The following NBPF19 variants were observed in gnomAD, a reference collection of about 807,000 sequenced individuals.
The protein encoded by NBPF19 is NBPF family member NBPF19.
A neutral mutation model predicts 45.9 loss-of-function variants in NBPF19; 30 were observed. That is an observed-to-expected ratio of 0.65 (90% CI 0.49 to 0.89). The LOEUF is 0.89. NBPF19 is among the 40% of genes least tolerant of loss of function. The probability of loss-of-function intolerance (pLI) is 0.00; values close to 1 mark genes in which losing one functional copy is unlikely to be tolerated. For missense variants in NBPF19, 495 were observed against 471.8 expected (o/e 1.05, Z -0.46); for synonymous variants, 183 against 181.2 (o/e 1.01, Z -0.08).
At chr1:149,478,700 G>A (rs2084994657) in intron 3 of NBPF19, among the ~76,000 whole-genome samples, 180 bp from the exon 4 acceptor site, 2 of 150,734 alleles carry the variant, frequency 1.3e-5, no homozygotes, top group African/African-American at 4.9e-5. Flanking sequence ...CTCTGATAGA[G>A]GGAAAGCCTG....
At chr1:149,554,193 A>G (rs1264479196) in intron 93 of NBPF19, among the ~76,000 whole-genome samples, 470 of 149,954 alleles carry the variant, frequency 3.1e-3, no homozygotes, top group African/African-American at 0.011. Context: ...GCTGTGTGTC[A>G]TGAGGGCACT....
At position 149,554,777 on chromosome 1, in the gene NBPF19, C is replaced by G. The variant is rs1415355457; in HGVS notation, c.*39C>G. On this transcript the variant is annotated 3_prime_UTR_variant, in exon 94 of 94. Coordinates refer to ENST00000651566, the MANE Select transcript of NBPF19 (RefSeq NM_001351365.2). ...AGCCGAGAGATGTCATTCCTGCAGG[C>G]AGGACCTATAGGCACGTGAAGATTT... 1.9e-6 allele frequency: 3 copies of G among 1,607,252 alleles called. No individual in the cohort carries two copies. The highest frequency in any genetic ancestry group is 2.2e-5 in the East Asian group (1 of 44,838).
intron 9 of NBPF19, 61 bp downstream of exon 9, chr1:149,487,444 G>A: frequency 3.2e-6 from 3 of 927,296 alleles, no homozygotes; most frequent in Non-Finnish European, 5.3e-6. Context: ...GCCAAGTCCA[G>A]GGAAAACAGT....
Position 149,554,805 on chromosome 1 carries a change from A to G in NBPF19, c.*67A>G, listed in dbSNP as rs1450427048. The G allele has an allele frequency of 5.6e-5, 89 of 1,603,312 alleles. 2 individuals carry two copies. The highest frequency in any genetic ancestry group is 7.3e-5 in the Non-Finnish European group (86 of 1,172,968). On this transcript the variant is annotated 3_prime_UTR_variant, in exon 94 of 94. Coordinates refer to ENST00000651566, the MANE Select transcript of NBPF19 (RefSeq NM_001351365.2). ...GACCTATAGGCACGTGAAGATTTGA[A>G]TGAAACTACAGTTCCATTTGGAAGC... is the stretch of plus-strand genomic sequence containing the variant.
intron 7 of NBPF19, among the ~76,000 whole-genome samples, chr1:149,483,529 C>T (rs1320584544): frequency 1.4e-5 from 2 of 145,726 alleles, no homozygotes; most frequent in Admixed American, 1.4e-4. Flanking sequence ...AGCCCATTTA[C>T]ATTTAAGGTT....
rs2085500459 is a variant in NBPF19 at position 149,486,406 on chromosome 1, G to C, written c.988+113G>C. On this transcript the variant is annotated intron_variant, in intron 8 of 93. Coordinates refer to ENST00000651566, the MANE Select transcript of NBPF19 (RefSeq NM_001351365.2). ...CTGAGATTTGCCATCACCGTGGGCT[G>C]AACCTATATATCAATGTAGATTTCA... The C allele has an allele frequency of 7.4e-6, 5 of 672,856 alleles. No homozygotes were observed. The East Asian group carries it at 1.4e-4, about 18-fold the overall frequency. The allele number at this position is 672,856 out of a possible 1,614,324, so 41.7% of individuals were successfully genotyped here.
At chr1:149,529,476 A>G in intron 62 of NBPF19, 130 bp downstream of exon 62, 1 of 45,416 alleles carries the variant, frequency 2.2e-5, no homozygotes, top group Non-Finnish European at 3.7e-5. Context: ...AGGCACATGT[A>G]GGTTGAATGA....
Position 149,554,805 on chromosome 1 carries a change from A to T in NBPF19, c.*67A>T, listed in dbSNP as rs1450427048. 1.5e-4 allele frequency: 236 copies of T among 1,603,430 alleles called. 6 individuals carry two copies. The East Asian group carries it at 5.1e-3, about 35-fold the overall frequency. On this transcript the variant is annotated 3_prime_UTR_variant, in exon 94 of 94. Coordinates refer to ENST00000651566, the MANE Select transcript of NBPF19 (RefSeq NM_001351365.2). ...GACCTATAGGCACGTGAAGATTTGA[A>T]TGAAACTACAGTTCCATTTGGAAGC...
intron 93 of NBPF19, 139 bp from the exon 94 acceptor site, chr1:149,554,356 A>T (rs2087164622): frequency 2.6e-6 from 4 of 1,526,070 alleles, no homozygotes; most frequent in Middle Eastern, 2.4e-4. Flanking sequence ...TAAAGGCAAT[A>T]AATTTTTTTT....
At chr1:149,487,281 G>C (rs1158123238) in intron 8 of NBPF19, 51 bp from the exon 9 acceptor site, 13 of 1,331,992 alleles carry the variant, frequency 9.8e-6, no homozygotes, top group Admixed American at 1.7e-5. Context: ...GAATGTTTCT[G>C]TGTGCAAGGA....
intron 3 of NBPF19, 37 bp downstream of exon 3, chr1:149,478,084 G>C (rs1212277884): frequency 1.3e-6 from 2 of 1,504,160 alleles, no homozygotes; most frequent in Admixed American, 3.3e-5. Flanking sequence ...AGGCGGGTAG[G>C]TGTGTAGATC....
chr1:149,519,886 A>G (rs2086633113), intron 50 of NBPF19, 26 bp downstream of exon 50: 4 of 38,576 alleles, frequency 1.0e-4, no homozygotes, highest in African/African-American at 2.4e-3. Context: ...TGAAGGTGAT[A>G]AGCATCCACT....
intron 3 of NBPF19, among the ~76,000 whole-genome samples, 169 bp from the exon 4 acceptor site, chr1:149,478,711 T>C (rs1272867273): frequency 6.6e-6 from 1 of 150,822 alleles, no homozygotes; most frequent in Non-Finnish European, 1.5e-5. Flanking sequence ...GGAAAGCCTG[T>C]AGACCATTTT....
rs1345945320 is a variant in NBPF19 at position 149,477,993 on chromosome 1, G to A, written c.224G>A (p.Arg75Gln). ...ATAAAATTTATGCTGAGGAATGAGC[G>A]ACAGTTCAAGGAGGAGAAGCTTGCA... ...DLIKFMLRNE[R>Q]QFKEEKLAEQ... The change falls in exon 3 of 94, where the codon CGA (arginine) becomes CAA (glutamine). Residue 75 changes from arginine (R) to glutamine (Q), a missense_variant. By Grantham distance (43) the Arg-to-Gln change is conservative. This residue lies in a region of NBPF19 where 69 missense variants were observed against 87.8 expected (regional missense o/e 0.79). Coordinates refer to ENST00000651566, the MANE Select transcript of NBPF19 (RefSeq NM_001351365.2). The A allele has an allele frequency of 8.2e-5, 123 of 1,498,768 alleles. 2 individuals carry two copies. The highest frequency in any genetic ancestry group is 1.6e-4 in the African/African-American group (12 of 72,890). 92.8% of individuals were successfully genotyped at this position (1,498,768 alleles called of 1,614,324 possible). A position where few individuals can be genotyped will look rare whatever the true frequency, so the allele number is the denominator to read the frequency against.
At chr1:149,486,799 T>C (rs1461215996) in intron 8 of NBPF19, among the ~76,000 whole-genome samples, 1 of 150,844 alleles carries the variant, frequency 6.6e-6, no homozygotes, top group Non-Finnish European at 1.5e-5. Flanking sequence ...GTTCGCTTGT[T>C]TTAGCTCATC....
rs2087209220 is a variant in NBPF19, at chr1:149,554,854, G to T, written c.*116G>T. ...GCCCAGACATAGGATGGGTCAGTGG[G>T]CATGGCTCTTTTCCTATTCTCAAAC... On this transcript the variant is annotated 3_prime_UTR_variant, in exon 94 of 94. Coordinates refer to ENST00000651566, the MANE Select transcript of NBPF19 (RefSeq NM_001351365.2). The T allele has an allele frequency of 3.9e-6, 6 of 1,543,434 alleles. No homozygotes were observed. The Admixed American group carries it at 9.1e-5, about 23-fold the overall frequency.
At position 149,487,527 on chromosome 1, in the gene NBPF19, C is replaced by A. The variant is rs2085621098; in HGVS notation, c.1040+144C>A. The stretch of plus-strand genomic sequence containing the variant: ...GCCTAATACATTGCTTTTTTGTTCT[C>A]ATTAGAGTAAATGTTTAGGTTTCCA... On this transcript the variant is annotated intron_variant, in intron 9 of 93. Coordinates refer to ENST00000651566, the MANE Select transcript of NBPF19 (RefSeq NM_001351365.2). 1.5e-5 allele frequency: 15 copies of A among 994,550 alleles called. 1 individual carries two copies. Among genetic ancestry groups the A allele is most frequent in the East Asian group, 2.4e-5 (1 of 42,018 alleles). 61.6% of individuals were successfully genotyped at this position (994,550 alleles called of 1,614,324 possible).
Position 149,488,135 on chromosome 1 carries a change from C to T in NBPF19, c.1163C>T (p.Ala388Val), listed in dbSNP as rs1269654532. The change falls in exon 10 of 94, where the codon GCC becomes GTC. Residue 388 changes from alanine (A) to valine (V), a missense_variant. Transcript: ENST00000651566. ...GACTCATGCCAGCCCTACAGAAGTG[C>T]CTTTTACGTATTGGAGCAACAGCGT... ...LTDSCQPYRS[A>V]FYVLEQQRVG... The T allele has an allele frequency of 3.0e-6, 2 of 676,290 alleles. No individual in the cohort carries two copies. The highest frequency in any genetic ancestry group is 5.3e-6 in the Non-Finnish European group (2 of 374,240). The allele number at this position is 676,290 out of a possible 1,614,324, so 41.9% of individuals were successfully genotyped here.
At position 149,487,350 on chromosome 1, in the gene NBPF19, T is replaced by C. The variant is rs2085596465; in HGVS notation, c.1007T>C (p.Val336Ala). Residue 336 changes from valine to alanine, a missense_variant, in exon 9 of 94, where the codon GTG (valine) becomes GCG (alanine). By Grantham distance (64) the Val-to-Ala change is moderately conservative. This residue lies in a region of NBPF19 where 146 missense variants were observed against 67.3 expected (regional missense o/e 2.17). Coordinates refer to ENST00000651566, the MANE Select transcript of NBPF19 (RefSeq NM_001351365.2). ...VDIGRHRWDQVKKEDQEATGP... is the reference protein window; with the variant it reads ...VDIGRHRWDQAKKEDQEATGP... ...TTTGCAGGACATCGCTGGGATCAAGTGAAAAAGGAGGACCAAGAGGCAACA... is the reference window on the plus strand; with the variant it reads ...TTTGCAGGACATCGCTGGGATCAAGCGAAAAAGGAGGACCAAGAGGCAACA... 2 of 1,565,242 alleles carry C rather than the reference T, an allele frequency of 1.3e-6. No individual in the cohort carries two copies. The highest frequency in any genetic ancestry group is 1.4e-5 in the African/African-American group (1 of 73,720).
Sources: allele counts gnomAD v4.1 joint callset (sites outside exome capture counted in the v4.1 genomes callset), GRCh38; gene constraint gnomAD v4.1.1; regional missense constraint gnomAD v4.1.1; transcripts MANE v1.5; gene names NCBI Gene and HGNC (gene_info 2026-07-23, HGNC 2026-07-21).